The following PES1 variants were observed in gnomAD, a reference collection of about 807,000 sequenced individuals.
PES1 encodes the protein pescadillo homolog.
A neutral mutation model predicts 77.1 loss-of-function variants in PES1; 31 were observed. The ratio of observed to expected loss-of-function variants is 0.40; its 90% confidence interval spans 0.30 to 0.54. The LOEUF (loss-of-function observed/expected upper bound fraction) is 0.54. Among genes scored for constraint, PES1 ranks in the 20% least tolerant of loss-of-function variants. The probability of loss-of-function intolerance (pLI) is 0.45; values close to 1 mark genes in which losing one functional copy is unlikely to be tolerated. For synonymous variants in PES1, 282 were observed against 303.0 expected, an observed-to-expected ratio of 0.93 and a Z score of 0.72; for missense variants, 658 against 771.7, an observed-to-expected ratio of 0.85 and a Z score of 1.75.
chr22:30,598,884 A>ATTTTTTT (rs1569031688), intron 2 of PES1, among the ~76,000 whole-genome samples: 53 of 46,322 alleles, frequency 1.1e-3, no homozygotes, highest in African/African-American at 3.7e-3. Context: ...ACTTAAGTAA[A>ATTTTTTT]ATTTTTTTTT....
chr22:30,588,536 G>A (rs1300581433), intron 2 of PES1, among the ~76,000 whole-genome samples: 6 of 152,188 alleles, frequency 3.9e-5, no homozygotes, highest in Non-Finnish European at 8.8e-5. Flanking sequence ...CCAGCACTTT[G>A]GAAGGCTGAG....
chr22:30,580,514 A>G (rs913434692), intron 10 of PES1, 57 bp downstream of exon 10: 1 of 1,605,014 alleles, frequency 6.2e-7, no homozygotes, highest in African/African-American at 1.3e-5. Flanking sequence ...CCAGGGCAGG[A>G]CCCAGACCAG....
chr22:30,586,152 G>A (rs899416321), intron 4 of PES1, among the ~76,000 whole-genome samples: 2 of 152,266 alleles, frequency 1.3e-5, no homozygotes, highest in Non-Finnish European at 2.9e-5. Flanking sequence ...CACTTGGTGT[G>A]TGTATGAATC....
At chr22:30,593,031 GT>G (rs901796285), upstream of PES1, among the ~76,000 whole-genome samples, 12 of 151,722 alleles carry the variant, frequency 7.9e-5, no homozygotes, top group African/African-American at 2.9e-4. Flanking sequence ...GATCTCAAAA[GT>G]TTAAATTTGA....
chr22:30,606,979 G>GGC, exon 1 of PES1: 1 of 761,824 alleles, frequency 1.3e-6, no homozygotes, highest in Non-Finnish European at 1.8e-6. Flanking sequence ...TGACAGATCA[G>GGC]GCATCAGGCC....
At chr22:30,601,871 C>T (rs1048692208) in intron 2 of PES1, 5 of 151,672 alleles carry the variant, frequency 3.3e-5, no homozygotes, top group Admixed American at 6.6e-5. Flanking sequence ...TTCCCAGGTT[C>T]AAGTGATTCT....
At position 30,576,806 on chromosome 22, in the gene PES1, GA is replaced by G. The variant is rs575369453; in HGVS notation, c.*239del. On this transcript the variant is annotated 3_prime_UTR_variant, in exon 15 of 15. Coordinates refer to ENST00000354694, the MANE Select transcript of PES1 (RefSeq NM_014303.4). ...TGCACCTCATGTCACTGGCTCCTGG[GA>G]GCAGAGAATCAGGCTGGGCACAGAG... The G allele has an allele frequency of 2.1e-4, 118 of 562,176 alleles. No homozygotes were observed. Among genetic ancestry groups the G allele is most frequent in the African/African-American group, 1.9e-3 (102 of 52,994 alleles). The allele number at this position is 562,176 out of a possible 1,614,324, so 34.8% of individuals were successfully genotyped here.
intron 2 of PES1, among the ~76,000 whole-genome samples, chr22:30,598,050 G>A (rs903261781): frequency 2.0e-5 from 3 of 151,846 alleles, no homozygotes; most frequent in Non-Finnish European, 4.4e-5. Context: ...CGCCCGGCTA[G>A]TTTTTTGTAT....
chr22:30,591,604 A>T (rs890004727), intron 1 of PES1, among the ~76,000 whole-genome samples: 1 of 152,180 alleles, frequency 6.6e-6, no homozygotes, highest in Non-Finnish European at 1.5e-5. Context: ...TCTCCACAGA[A>T]AGAACTCTGG....
chr22:30,602,569 A>G (rs1363604632), intron 2 of PES1, among the ~76,000 whole-genome samples: 1 of 150,972 alleles, frequency 6.6e-6, no homozygotes, highest in Admixed American at 6.6e-5. Flanking sequence ...CTTTTGATAA[A>G]GATAGGGGCT....
chr22:30,602,380 A>C (rs2087369554), intron 2 of PES1, among the ~76,000 whole-genome samples: 1 of 148,904 alleles, frequency 6.7e-6, no homozygotes, highest in South Asian at 2.1e-4. Flanking sequence ...AGTCAATTAA[A>C]CCTCTTTATA....
At chr22:30,577,200 G>A in intron 14 of PES1, 71 bp from the exon 15 acceptor site, 1 of 1,263,756 alleles carries the variant, frequency 7.9e-7, no homozygotes, top group Non-Finnish European at 1.2e-6. Context: ...AGAACTCAAA[G>A]CTATATCCCT....
In PES1 at chr22:30,590,087, G is replaced by T. The variant is rs570608960; in HGVS notation, c.25-817C>A. ...TCATTCATTCAACAGACAATAACAGGTCCTCTATTATGGTCAAAGCACTAA... is the reference window on the plus strand; with the variant it reads ...TCATTCATTCAACAGACAATAACAGTTCCTCTATTATGGTCAAAGCACTAA... On this transcript the variant is annotated intron_variant, in intron 1 of 14. Coordinates refer to ENST00000354694, the MANE Select transcript of PES1 (RefSeq NM_014303.4). Among the ~76,000 whole-genome samples the T allele has an allele frequency of 2.0e-5, 3 of 152,184 alleles. No homozygotes were observed. The South Asian group carries it at 6.2e-4, about 32-fold the overall frequency.
chr22:30,579,122 T>C lies in PES1; in HGVS notation c.1521+15A>G. The C allele has an allele frequency of 6.2e-7, 1 of 1,607,800 alleles. No homozygotes were observed. The highest frequency in any genetic ancestry group is 1.3e-5 in the African/African-American group (1 of 75,014). ...CTGCTTCCCAGGCCAAGCCCCGCAT[T>C]GCAGCTCCCCCTACCTTCCCCTCCA... On this transcript the variant is annotated intron_variant, in intron 13 of 14. Transcript: ENST00000354694.
chr22:30,606,834 T>C, exon 1 of PES1: 2 of 1,006,442 alleles, frequency 2.0e-6, no homozygotes, highest in Non-Finnish European at 2.4e-6. Flanking sequence ...GCAGCTCCCG[T>C]TCCACTCCTT....
chr22:30,604,950 C>T (rs2087414829), intron 2 of PES1, among the ~76,000 whole-genome samples: 1 of 152,136 alleles, frequency 6.6e-6, no homozygotes, highest in Admixed American at 6.6e-5. Context: ...GACCACATGA[C>T]CTGAAATAGC....
upstream of PES1, among the ~76,000 whole-genome samples, chr22:30,595,320 A>G (rs371053726): frequency 6.6e-6 from 1 of 152,074 alleles, no homozygotes; most frequent in Non-Finnish European, 1.5e-5. Flanking sequence ...CGGGTGGATC[A>G]CGAGGTCAGG....
At chr22:30,606,005 C>A (rs1001412017) in intron 1 of PES1, among the ~76,000 whole-genome samples, 9 of 152,202 alleles carry the variant, frequency 5.9e-5, no homozygotes, top group Non-Finnish European at 1.2e-4. Context: ...CCTCTCTTCT[C>A]ACACAGGAAG....
chr22:30,595,255 A>G (rs1189684259), upstream of PES1, among the ~76,000 whole-genome samples: 1 of 151,950 alleles, frequency 6.6e-6, no homozygotes, highest in African/African-American at 2.4e-5. Flanking sequence ...GAACTCGGAG[A>G]CTGGCTGGGC....
Sources: gnomAD v4.1 joint callset for allele counts (sites outside exome capture counted in the v4.1 genomes callset) on GRCh38, gnomAD v4.1.1 for gene constraint, MANE v1.5 for transcripts, NCBI Gene and HGNC (gene_info 2026-07-23, HGNC 2026-07-21) for gene names.